The following RNLS variants were observed in gnomAD, a reference collection of about 807,000 sequenced individuals.
The protein encoded by RNLS is renalase.
Under a neutral mutation model 39.8 loss-of-function variants are expected in RNLS, and 39 were observed. The ratio of observed to expected loss-of-function variants is 0.98; its 90% CI spans 0.76 to 1.28. The LOEUF is 1.28. Ranked by LOEUF, RNLS falls within the 50% of genes most tolerant of loss-of-function variation. The pLI, the probability that RNLS is intolerant of heterozygous loss-of-function variation, is 0.00. For synonymous variants in RNLS, 147 were observed against 150.7 expected (o/e 0.98, Z 0.18); for missense variants, 410 against 413.3 (o/e 0.99, Z 0.07).
chr10:88,286,969 T>A (rs928872666), intron 6 of RNLS, among the ~76,000 whole-genome samples: 3 of 151,534 alleles, frequency 2.0e-5, no homozygotes, highest in Non-Finnish European at 2.9e-5. Context: ...TAAAAAAAAA[T>A]TTAGAGATGG....
At position 88,582,185 on chromosome 10, in the gene RNLS, C is replaced by A. The variant is rs1850621359; in HGVS notation, c.224+17G>T. The A allele has an allele frequency of 1.1e-5, 17 of 1,591,980 alleles. No homozygotes were observed. Among genetic ancestry groups the A allele is most frequent in the Non-Finnish European group, 1.5e-5 (17 of 1,161,356 alleles). Reference sequence around the variant, plus strand: ...CACAACTGCTAAGATTGATTCCACTCCTTGCAACTAACTCACCGTTGGTGT... The same window carrying A: ...CACAACTGCTAAGATTGATTCCACTACTTGCAACTAACTCACCGTTGGTGT... On this transcript the variant is annotated intron_variant, in intron 2 of 6. Transcript: ENST00000331772.
At chr10:88,334,287 C>T (rs1847326693) in intron 5 of RNLS, among the ~76,000 whole-genome samples, 1 of 152,102 alleles carries the variant, frequency 6.6e-6, no homozygotes, top group African/African-American at 2.4e-5. Context: ...TTTTAGTTTT[C>T]AGTTAGTTAT....
the RNLS span, among the ~76,000 whole-genome samples, chr10:88,183,939 G>T: frequency 1.3e-5 from 2 of 152,130 alleles, no homozygotes; most frequent in Non-Finnish European, 2.9e-5. Flanking sequence ...CTATGGGACA[G>T]CTGAGAATGG....
At chr10:88,180,244 C>T in the RNLS span, among the ~76,000 whole-genome samples, 1 of 152,204 alleles carries the variant, frequency 6.6e-6, no homozygotes, top group African/African-American at 2.4e-5. Flanking sequence ...TAAACCAAAC[C>T]CAACACTGAC....
At chr10:88,454,008 T>C (rs767900022) in intron 4 of RNLS, among the ~76,000 whole-genome samples, 4 of 152,234 alleles carry the variant, frequency 2.6e-5, no homozygotes, top group African/African-American at 4.8e-5. Context: ...CACAGAGTTA[T>C]TGGAATACAG....
intron 4 of RNLS, among the ~76,000 whole-genome samples, chr10:88,377,233 CACACATAT>C (rs763863816): frequency 0.013 from 620 of 48,736 alleles, 4 homozygotes; most frequent in Admixed American, 0.022. Context: ...TCCACATACA[CACACATAT>C]ACACACACAC....
At chr10:88,333,900 A>AGT (rs1477838974) in intron 5 of RNLS, among the ~76,000 whole-genome samples, 2 of 152,164 alleles carry the variant, frequency 1.3e-5, no homozygotes, top group Non-Finnish European at 2.9e-5. Context: ...TCTGAAGGAG[A>AGT]GAGTGAACCC....
downstream of RNLS, among the ~76,000 whole-genome samples, chr10:88,269,274 A>G (rs1388392311): frequency 6.6e-6 from 1 of 152,208 alleles, no homozygotes; most frequent in African/African-American, 2.4e-5. Flanking sequence ...AGTGGATATG[A>G]ACTGATACTT....
the RNLS span, among the ~76,000 whole-genome samples, chr10:88,252,418 C>T: frequency 1.3e-5 from 2 of 152,168 alleles, no homozygotes; most frequent in African/African-American, 4.8e-5. Context: ...CATACAACTC[C>T]CACACAGACA....
At chr10:88,361,803 C>G (rs1399396260) in intron 5 of RNLS, among the ~76,000 whole-genome samples, 1 of 152,142 alleles carries the variant, frequency 6.6e-6, no homozygotes, top group Non-Finnish European at 1.5e-5. Context: ...CAGGACAATT[C>G]AAGAGTTTTA....
intron 4 of RNLS, among the ~76,000 whole-genome samples, chr10:88,381,591 C>T (rs1407834941): frequency 6.6e-6 from 1 of 151,692 alleles, no homozygotes; most frequent in African/African-American, 2.4e-5. Context: ...CTTGAATTTT[C>T]CCTCTAATTG....
chr10:88,348,193 G>T (rs1001557831), intron 5 of RNLS, among the ~76,000 whole-genome samples: 2 of 152,094 alleles, frequency 1.3e-5, no homozygotes, highest in African/African-American at 4.8e-5. Flanking sequence ...CAGCAGAGAC[G>T]GTGGCCTCTG....
At chr10:88,301,167 TG>T (rs1454239704) in intron 6 of RNLS, among the ~76,000 whole-genome samples, 2 of 152,230 alleles carry the variant, frequency 1.3e-5, no homozygotes, top group Non-Finnish European at 2.9e-5. Context: ...TAAATTCTTA[TG>T]TGTTAAAACA....
At chr10:88,531,089 T>A (rs1400140941) in intron 4 of RNLS, among the ~76,000 whole-genome samples, 1 of 152,150 alleles carries the variant, frequency 6.6e-6, no homozygotes, top group Non-Finnish European at 1.5e-5. Context: ...ACTGAGTAAA[T>A]GTTCTCAGTG....
At chr10:88,509,856 C>G (rs534660686) in intron 4 of RNLS, among the ~76,000 whole-genome samples, 1 of 152,062 alleles carries the variant, frequency 6.6e-6, no homozygotes, top group South Asian at 2.1e-4. Context: ...ACCTTTCTTC[C>G]TCAAATATCC....
At chr10:88,494,948 C>T (rs1845084372) in intron 4 of RNLS, among the ~76,000 whole-genome samples, 1 of 152,138 alleles carries the variant, frequency 6.6e-6, no homozygotes, top group African/African-American at 2.4e-5. Flanking sequence ...CCACTTCCTT[C>T]CTATGTCTGA....
chr10:88,469,988 A>G (rs1843429343), intron 4 of RNLS, among the ~76,000 whole-genome samples: 1 of 151,904 alleles, frequency 6.6e-6, no homozygotes, highest in South Asian at 2.1e-4. Context: ...ATATTTATAT[A>G]TAGTCTGTTT....
chr10:88,482,942 C>T (rs1046712589), intron 4 of RNLS, among the ~76,000 whole-genome samples: 1 of 151,814 alleles, frequency 6.6e-6, no homozygotes, highest in African/African-American at 2.4e-5. Context: ...TCCCTCACTC[C>T]TTCCTTCCTC....
chr10:88,482,790 C>G (rs183757892), intron 4 of RNLS, among the ~76,000 whole-genome samples: 1 of 151,994 alleles, frequency 6.6e-6, no homozygotes, highest in African/African-American at 2.4e-5. Context: ...CAACCTTTTC[C>G]CTGAAAGTAG....
Sources: allele counts gnomAD v4.1 joint callset (sites outside exome capture counted in the v4.1 genomes callset), GRCh38; gene constraint gnomAD v4.1.1; transcripts MANE v1.5; gene names NCBI Gene and HGNC (gene_info 2026-07-23, HGNC 2026-07-21).